SETD1B: variants seen among roughly 807,000 people sequenced by gnomAD.
The protein encoded by SETD1B is histone-lysine N-methyltransferase SETD1B.
Under a neutral mutation model 148.0 loss-of-function variants are expected in SETD1B, and 7 were observed. The ratio of observed to expected loss-of-function variants is 0.05; its 90% CI spans 0.03 to 0.09. The LOEUF is 0.09. Among genes scored for constraint, SETD1B ranks in the 10% least tolerant of loss-of-function variants. SETD1B has a pLI of 1.00. For missense variants in SETD1B, 2,155 were observed against 2,729.9 expected (o/e 0.79, Z 4.69); for synonymous variants, 1,361 against 1,186.5 (o/e 1.15, Z -3.02).
rs765343309 is a variant in SETD1B at position 121,819,440 on chromosome 12, C to G, written c.3455C>G (p.Ala1152Gly). The G allele has an allele frequency of 6.4e-7, 1 of 1,552,182 alleles. No individual in the cohort carries two copies. The highest frequency in any genetic ancestry group is 2.4e-5 in the East Asian group (1 of 40,900). The change falls in exon 11 of 17, where the codon GCC (alanine) becomes GGC (glycine). Residue 1152 changes from alanine to glycine, a missense_variant. This residue lies in a region of SETD1B where 862 missense variants were observed against 873.8 expected (regional missense o/e 0.99). Coordinates refer to ENST00000604567, the MANE Select transcript of SETD1B (RefSeq NM_001353345.2). The stretch of plus-strand genomic sequence containing the variant: ...AGCATTGTAACCTCCAAGGCCGAAG[C>G]CACGTCGTCCAGTGAGAGTTCCGAG... ...TVSIVTSKAE[A>G]TSSSESSESS... is the part of the protein sequence containing the mutation.
At chr12:121,812,804 G>A (rs557739380) in intron 6 of SETD1B, among the ~76,000 whole-genome samples, 17 of 152,152 alleles carry the variant, frequency 1.1e-4, no homozygotes, top group Non-Finnish European at 1.8e-4. Context: ...AGGGGACCTG[G>A]TAAAGTCCAG....
chr12:121,804,147 C>T lies in SETD1B; in HGVS notation c.-101C>T, dbSNP rs1432505389. ...GGCGGCGGCGCCCCCCCTTCCTGGC[C>T]CCCGGTCCGGCCGCCCCGGCCTCGG... On this transcript the variant is annotated 5_prime_UTR_variant, in exon 1 of 17. Coordinates refer to ENST00000604567, the MANE Select transcript of SETD1B (RefSeq NM_001353345.2). This position sits in a 1 kb window ranked among gnomAD's most constrained non-coding sequence, Gnocchi z 4.6. The T allele has an allele frequency of 6.6e-6, 1 of 150,414 alleles. No homozygotes were observed. The highest frequency in any genetic ancestry group is 1.5e-5 in the Non-Finnish European group (1 of 67,424). 9.3% of individuals were successfully genotyped at this position (150,414 alleles called of 1,614,324 possible). A position where few individuals can be genotyped will look rare whatever the true frequency, so the allele number is the denominator to read the frequency against.
chr12:121,793,521 A>G, the SETD1B span: 1 of 1,543,740 alleles, frequency 6.5e-7, no homozygotes, highest in Non-Finnish European at 8.7e-7. Flanking sequence ...CTGGCTGTAC[A>G]CCATGAGCAG....
At position 121,817,814 on chromosome 12, in the gene SETD1B, G is replaced by A. The variant is rs373918253; in HGVS notation, c.3328G>A (p.Asp1110Asn). ...STSDKDDDDDDSDDRDESEND... is the reference protein window; with the variant it reads ...STSDKDDDDDNSDDRDESEND... ...TCTCCCCCAGGATGACGACGATGACGACAGTGATGACCGGGACGAGTCTGA... is the reference window on the plus strand; with the variant it reads ...TCTCCCCCAGGATGACGACGATGACAACAGTGATGACCGGGACGAGTCTGA... The change falls in exon 10 of 17, where the codon GAC becomes AAC. Residue 1110 changes from aspartate (D) to asparagine (N), a missense_variant. Physicochemically the swap from Asp to Asn is conservative, Grantham distance 23. Coordinates refer to ENST00000604567, the MANE Select transcript of SETD1B (RefSeq NM_001353345.2). This position sits in a 1 kb window ranked among gnomAD's most constrained non-coding sequence, Gnocchi z 8.1. The A allele has an allele frequency of 3.1e-5, 48 of 1,550,642 alleles. No homozygotes were observed. In the African/African-American group the frequency reaches 4.5e-4, roughly 15 times the overall value.
Position 121,810,517 on chromosome 12 carries a change from C to A in SETD1B, c.1572C>A (p.Thr524=). The A allele has an allele frequency of 6.5e-7, 1 of 1,546,160 alleles. No individual in the cohort carries two copies. Among genetic ancestry groups the A allele is most frequent in the Non-Finnish European group, 8.7e-7 (1 of 1,146,964 alleles). The change falls in exon 6 of 17, where the codon ACC becomes ACA. Residue 524 remains threonine, a synonymous_variant. Transcript: ENST00000604567. This position sits in a 1 kb window ranked among gnomAD's most constrained non-coding sequence, Gnocchi z 7.6. ...LLFLREPDSD[T]ELQMEGSPIS... ...TCCTGAGGGAGCCGGACTCGGACAC[C>A]GAGCTGCAGATGGAGGGCAGCCCCA...
intron 6 of SETD1B, among the ~76,000 whole-genome samples, chr12:121,812,509 G>C (rs951998309): frequency 2.6e-5 from 4 of 152,026 alleles, no homozygotes; most frequent in Non-Finnish European, 4.4e-5. Flanking sequence ...CCAGTTCTCA[G>C]CAAATTCCTG....
intron 12 of SETD1B, among the ~76,000 whole-genome samples, chr12:121,824,619 C>T (rs1470375974): frequency 6.6e-6 from 1 of 152,026 alleles, no homozygotes; most frequent in African/African-American, 2.4e-5. Context: ...TGCACTCCAG[C>T]CTGGGTGACA....
At chr12:121,825,517 G>A (rs542863155) in intron 13 of SETD1B, among the ~76,000 whole-genome samples, 151 bp downstream of exon 13, 3 of 152,290 alleles carry the variant, frequency 2.0e-5, no homozygotes, top group South Asian at 4.1e-4. Flanking sequence ...AGAGGCGGGT[G>A]GGCGGGGCCT....
In SETD1B at chr12:121,825,249, C is replaced by T. The variant is rs555489142; in HGVS notation, c.5220C>T (p.Arg1740=). Residue 1740 remains arginine (R), a synonymous_variant, in exon 13 of 17, where the codon CGC becomes CGT. Transcript: ENST00000604567. The part of the protein sequence containing the change: ...AKKKKRDDGI[R]EHVTGCARSE... Reference sequence around the variant, plus strand: ...AGAAGAAACGGGACGATGGCATCCGCGAGCACGTGACGGGCTGTGCCCGCA... The same window carrying T: ...AGAAGAAACGGGACGATGGCATCCGTGAGCACGTGACGGGCTGTGCCCGCA... 1.3e-4 allele frequency: 198 copies of T among 1,551,754 alleles called. No homozygotes were observed. Among genetic ancestry groups the T allele is most frequent in the Middle Eastern group, 8.3e-4 (5 of 5,992 alleles).
chr12:121,810,409 C>T lies in SETD1B; in HGVS notation c.1464C>T (p.Ser488=). The part of the protein sequence containing the change: ...DSPGTPTLES[S]PAGPEKPHDS... ...CTGGCACGCCCACGCTGGAGTCGTC[C>T]CCTGCAGGGCCAGAGAAACCCCACG... The change falls in exon 6 of 17, where the codon TCC becomes TCT. Residue 488 remains serine (S), a synonymous_variant. Coordinates refer to ENST00000604567, the MANE Select transcript of SETD1B (RefSeq NM_001353345.2). This position sits in a 1 kb window ranked among gnomAD's most constrained non-coding sequence, Gnocchi z 7.6. 1.9e-6 allele frequency: 3 copies of T among 1,549,016 alleles called. No individual in the cohort carries two copies. Among genetic ancestry groups the T allele is most frequent in the Non-Finnish European group, 2.6e-6 (3 of 1,146,950 alleles).
At chr12:121,790,442 TCTC>T in the SETD1B span, among the ~76,000 whole-genome samples, 11 of 152,234 alleles carry the variant, frequency 7.2e-5, no homozygotes, top group African/African-American at 2.2e-4. Flanking sequence ...TCTGTCCTGT[TCTC>T]CTGAGAGCCG....
intron 11 of SETD1B, 116 bp downstream of exon 11, chr12:121,820,011 G>C (rs553088119): frequency 1.1e-6 from 1 of 884,940 alleles, no homozygotes; most frequent in African/African-American, 1.7e-5. Flanking sequence ...TCAGTTTCCC[G>C]TGTAAAACGA....
chr12:121,830,013 G>T lies in SETD1B; in HGVS notation c.5728-53G>T, dbSNP rs1046331411. 6 of 1,516,932 alleles carry T rather than the reference G, an allele frequency of 4.0e-6. No homozygotes were observed. The African/African-American group carries it at 4.1e-5, about 10-fold the overall frequency. The allele number at this position is 1,516,932 out of a possible 1,614,324, so 94.0% of individuals were successfully genotyped here. On this transcript the variant is annotated intron_variant, in intron 16 of 16. Coordinates refer to ENST00000604567, the MANE Select transcript of SETD1B (RefSeq NM_001353345.2). This position sits in a 1 kb window ranked among gnomAD's most constrained non-coding sequence, Gnocchi z 5.7. ...GGTTGGGTTTGGGGGGTCTGCAGTG[G>T]TGGGGGACCCTGGGGGACCAGGGGC... is the stretch of plus-strand genomic sequence containing the variant.
At position 121,823,272 on chromosome 12, in the gene SETD1B, C is replaced by G. The variant is rs781417549; in HGVS notation, c.4693C>G (p.His1565Asp). 6.5e-7 allele frequency: 1 copy of G among 1,549,926 alleles called. No homozygotes were observed. The highest frequency in any genetic ancestry group is 8.7e-7 in the Non-Finnish European group (1 of 1,146,896). ...ACAGACCCCCGTCTTCCCCAGCACC[C>G]ATGACCCCCGGACGGTGACCCTGGA... ...QPQTPVFPSTHDPRTVTLDFR... is the reference protein window; with the variant it reads ...QPQTPVFPSTDDPRTVTLDFR... The change falls in exon 12 of 17, where the codon CAT becomes GAT. Residue 1565 changes from histidine (H) to aspartate (D), a missense_variant. His to Asp is a moderately conservative substitution (Grantham distance 81). This residue lies in a region of SETD1B where 862 missense variants were observed against 873.8 expected (regional missense o/e 0.99). Coordinates refer to ENST00000604567, the MANE Select transcript of SETD1B (RefSeq NM_001353345.2).
Position 121,804,631 on chromosome 12 carries a change from G to T in SETD1B, c.-14-93G>T, listed in dbSNP as rs971524992. On this transcript the variant is annotated intron_variant, in intron 1 of 16. Transcript: ENST00000604567. The surrounding 1 kb of genome is among the most constrained non-coding windows in gnomAD (Gnocchi z 4.6). The stretch of plus-strand genomic sequence containing the variant: ...GGGCGCGCTGGCAAGGTGGGAGGGG[G>T]TGGGGGCCTGCCGATTGGATTCTTT... 4 of 1,109,360 alleles carry T rather than the reference G, an allele frequency of 3.6e-6. No individual in the cohort carries two copies. In the Admixed American group the frequency reaches 1.0e-4, roughly 29 times the overall value. 68.7% of individuals were successfully genotyped at this position (1,109,360 alleles called of 1,614,324 possible). A position where few individuals can be genotyped will look rare whatever the true frequency, so the allele number is the denominator to read the frequency against.
In SETD1B at chr12:121,817,160, G is replaced by A; in HGVS notation, c.2843G>A (p.Gly948Asp). Residue 948 changes from glycine (G) to aspartate (D), a missense_variant, in exon 8 of 17, where the codon GGC (glycine) becomes GAC (aspartate). Gly to Asp is a moderately conservative substitution (Grantham distance 94). This residue lies in a region of SETD1B where 289 missense variants were observed against 423.7 expected (regional missense o/e 0.68). Coordinates refer to ENST00000604567, the MANE Select transcript of SETD1B (RefSeq NM_001353345.2). This position sits in a 1 kb window ranked among gnomAD's most constrained non-coding sequence, Gnocchi z 8.1. ...GAGGGCCTGGGCTACGAGGGCCTGG[G>A]CCTGGGCATTGGGCTGCGTGGGGCC... ...KGEGLGYEGL[G>D]LGIGLRGAIR... is the part of the protein sequence containing the mutation. The A allele has an allele frequency of 6.5e-7, 1 of 1,549,404 alleles. No homozygotes were observed. The highest frequency in any genetic ancestry group is 2.4e-5 in the East Asian group (1 of 40,906).
the SETD1B span, among the ~76,000 whole-genome samples, chr12:121,792,970 T>TA: frequency 6.6e-6 from 1 of 152,158 alleles, no homozygotes; most frequent in Non-Finnish European, 1.5e-5. Context: ...ACCTTCCACT[T>TA]ACGTATAGGG....
Position 121,831,883 on chromosome 12 carries a change from TGTGTTTTTTGTTG to T in SETD1B, c.*1645_*1657del, listed in dbSNP as rs1877111973. 1.4e-5 allele frequency: 2 copies of T among 142,562 alleles called. No homozygotes were observed. Among genetic ancestry groups the T allele is most frequent in the Non-Finnish European group, 3.1e-5 (2 of 64,120 alleles). 8.8% of individuals were successfully genotyped at this position (142,562 alleles called of 1,614,324 possible). A position where few individuals can be genotyped will look rare whatever the true frequency, so the allele number is the denominator to read the frequency against. ...TTTTTTGTTGTTGGTGGTTTTGTTG[TGTGTTTTTTGTTG>T]TTTTTTTTTTATTCCTTTCCCCCAG... is the stretch of plus-strand genomic sequence containing the variant. On this transcript the variant is annotated 3_prime_UTR_variant, in exon 17 of 17. Coordinates refer to ENST00000604567, the MANE Select transcript of SETD1B (RefSeq NM_001353345.2).
the SETD1B span, among the ~76,000 whole-genome samples, chr12:121,792,384 C>A: frequency 6.6e-6 from 1 of 152,212 alleles, no homozygotes; most frequent in Non-Finnish European, 1.5e-5. Context: ...CTGACTGTTT[C>A]TCCTGTCCCC....
Sources: allele counts gnomAD v4.1 joint callset (sites outside exome capture counted in the v4.1 genomes callset), GRCh38; gene constraint gnomAD v4.1.1; regional missense constraint gnomAD v4.1.1; non-coding constraint Gnocchi (gnomAD v3.1); transcripts MANE v1.5; gene names NCBI Gene and HGNC (gene_info 2026-07-23, HGNC 2026-07-21).